FEZF2: variants seen among roughly 807,000 people sequenced by gnomAD.
FEZF2 encodes FEZ family zinc finger 2, also known as fez family zinc finger protein 2.
A neutral mutation model predicts 32.8 loss-of-function variants in FEZF2; 2 were observed. That is an observed-to-expected ratio of 0.06 (90% CI 0.02 to 0.19). The LOEUF is 0.19. Among genes scored for constraint, FEZF2 ranks in the 10% least tolerant of loss-of-function variants. The probability of loss-of-function intolerance (pLI) is 1.00; values close to 1 mark genes in which losing one functional copy is unlikely to be tolerated. For missense variants in FEZF2, 516 were observed against 625.4 expected (o/e 0.83, Z 1.87); for synonymous variants, 322 against 284.8 (o/e 1.13, Z -1.32).
chr3:62,372,673 G>A lies in FEZF2; in HGVS notation c.196C>T (p.Leu66Phe). 6.2e-7 allele frequency: 1 copy of A among 1,608,444 alleles called. No homozygotes were observed. The highest frequency in any genetic ancestry group is 8.5e-7 in the Non-Finnish European group (1 of 1,177,380). The change falls in exon 2 of 5, where the codon CTC (leucine) becomes TTC (phenylalanine). Residue 66 changes from leucine (L) to phenylalanine (F), a missense_variant. Coordinates refer to ENST00000283268, the MANE Select transcript of FEZF2 (RefSeq NM_018008.4). This position sits in a 1 kb window ranked among gnomAD's most constrained non-coding sequence, Gnocchi z 9.6. ...ATCATACAGGGCAGCGGCGAGCAGA[G>A]GTTGAGCAGTTTCTTGCCCTGGCTG... is the stretch of plus-strand genomic sequence containing the variant. ...DGSQGKKLLNLCSPLPCMIPL... is the reference protein window; with the variant it reads ...DGSQGKKLLNFCSPLPCMIPL...
chr3:62,371,901 G>C, intron 2 of FEZF2, 116 bp downstream of exon 2: 1 of 1,452,942 alleles, frequency 6.9e-7, no homozygotes, highest in Non-Finnish European at 9.0e-7. Flanking sequence ...CCCAGTTTGG[G>C]TAGTCAACTA....
Position 62,370,156 on chromosome 3 carries a change from A to T in FEZF2, c.1307T>A (p.Val436Glu). 1.2e-6 allele frequency: 2 copies of T among 1,614,224 alleles called. No homozygotes were observed. The highest frequency in any genetic ancestry group is 1.7e-6 in the Non-Finnish European group (2 of 1,180,032). ...FCRNFDLKKHVRKLHDSVGPA... is the reference protein window; with the variant it reads ...FCRNFDLKKHERKLHDSVGPA... ...GCCCACGCTGTCGTGGAGTTTGCGCACATGTTTCTTTAAGTCAAAGTTTCT... is the reference window on the plus strand; with the variant it reads ...GCCCACGCTGTCGTGGAGTTTGCGCTCATGTTTCTTTAAGTCAAAGTTTCT... Residue 436 changes from valine to glutamate, a missense_variant, in exon 5 of 5, where the codon GTG becomes GAG. Around this residue, in one of 3 missense-constraint regions of FEZF2, gnomAD observed 79 missense variants for 219.4 expected, o/e 0.36. Transcript: ENST00000283268. The surrounding 1 kb of genome is among the most constrained non-coding windows in gnomAD (Gnocchi z 4.2).
Position 62,372,764 on chromosome 3 carries a change from G to A in FEZF2, c.105C>T (p.Ile35=). 6.2e-7 allele frequency: 1 copy of A among 1,601,202 alleles called. No individual in the cohort carries two copies. The highest frequency in any genetic ancestry group is 1.1e-5 in the South Asian group (1 of 89,332). The change falls in exon 2 of 5, where the codon ATC becomes ATT. Residue 35 remains isoleucine, a synonymous_variant. Transcript: ENST00000283268. The surrounding 1 kb of genome is among the most constrained non-coding windows in gnomAD (Gnocchi z 9.6). ...SKTLAFSIER[I]MAKTSEPRAP... The stretch of plus-strand genomic sequence containing the variant: ...CACGGGGCTCCGACGTCTTGGCCAT[G>A]ATGCGCTCGATGGAAAAGGCCAGTG...
In FEZF2 at chr3:62,370,658, CCTT is replaced by C. The variant is rs532502815; in HGVS notation, c.1121-319_1121-317del. Among the ~76,000 whole-genome samples the C allele has an allele frequency of 3.0e-4, 45 of 152,340 alleles. 2 individuals are homozygous for C. In the South Asian group the frequency reaches 7.9e-3, roughly 27 times the overall value. On this transcript the variant is annotated intron_variant, in intron 4 of 4. Transcript: ENST00000283268. The surrounding 1 kb of genome is among the most constrained non-coding windows in gnomAD (Gnocchi z 4.2). Reference sequence around the variant, plus strand: ...TGCGTAGCCCAGAGACGCACCGAGTCCTTCTCCTGGCTGATGCCTCGCTAGAAG... The same window carrying C: ...TGCGTAGCCCAGAGACGCACCGAGTCCTCCTGGCTGATGCCTCGCTAGAAG...
Position 62,370,028 on chromosome 3 carries a change from G to A in FEZF2, c.*55C>T. 1 of 1,568,430 alleles carries A rather than the reference G, an allele frequency of 6.4e-7. No homozygotes were observed. The highest frequency in any genetic ancestry group is 1.8e-5 in the Admixed American group (1 of 54,802). On this transcript the variant is annotated 3_prime_UTR_variant, in exon 5 of 5. Coordinates refer to ENST00000283268, the MANE Select transcript of FEZF2 (RefSeq NM_018008.4). The surrounding 1 kb of genome is among the most constrained non-coding windows in gnomAD (Gnocchi z 4.2). ...TTTAATTTTAGAAATAAGTTTATAT[G>A]TGTGATCTGTTTTCAGGTGGTACAG...
rs1704249763 is a variant in FEZF2, at chr3:62,370,167, T to C, written c.1296A>G (p.Leu432=). Residue 432 remains leucine, a synonymous_variant, in exon 5 of 5, where the codon TTA becomes TTG. Coordinates refer to ENST00000283268, the MANE Select transcript of FEZF2 (RefSeq NM_018008.4). The surrounding 1 kb of genome is among the most constrained non-coding windows in gnomAD (Gnocchi z 4.2). ...CGTGGAGTTTGCGCACATGTTTCTT[T>C]AAGTCAAAGTTTCTGCAAAACCCTT... ...CGKGFCRNFD[L]KKHVRKLHDS... The C allele has an allele frequency of 1.2e-6, 2 of 1,614,096 alleles. No homozygotes were observed. Among genetic ancestry groups the C allele is most frequent in the Non-Finnish European group, 1.7e-6 (2 of 1,180,052 alleles).
rs1013320794 is a variant in FEZF2, at chr3:62,371,529, G to C, written c.987+4C>G. 1.2e-6 allele frequency: 2 copies of C among 1,609,934 alleles called. No individual in the cohort carries two copies. Among genetic ancestry groups the C allele is most frequent in the Non-Finnish European group, 1.7e-6 (2 of 1,177,928 alleles). On this transcript the variant is annotated splice_donor_region_variant and intron_variant, in intron 3 of 4. Transcript: ENST00000283268. ...GGGCTAGGCCCGACCCGGGGGCCACGTACCTGGGTGTGGATAATTTTGTGC... is the reference window on the plus strand; with the variant it reads ...GGGCTAGGCCCGACCCGGGGGCCACCTACCTGGGTGTGGATAATTTTGTGC...
In FEZF2 at chr3:62,372,542, G is replaced by A. The variant is rs1236532156; in HGVS notation, c.327C>T (p.Gly109=). The change falls in exon 2 of 5, where the codon GGC becomes GGT. Residue 109 remains glycine (G), a synonymous_variant. Coordinates refer to ENST00000283268, the MANE Select transcript of FEZF2 (RefSeq NM_018008.4). This position sits in a 1 kb window ranked among gnomAD's most constrained non-coding sequence, Gnocchi z 9.6. ...CCCCCCCGCCGCCGCCGCCGCCACC[G>A]CCGCCGCCGCCTCCGCCGCCGCCCG... ...LRAGGGGGGG[G]GGGGGGGGAP... 2.2e-5 allele frequency: 29 copies of A among 1,312,796 alleles called. No homozygotes were observed. The highest frequency in any genetic ancestry group is 1.7e-4 in the South Asian group (6 of 34,754). The allele number at this position is 1,312,796 out of a possible 1,614,324, so 81.3% of individuals were successfully genotyped here.
intron 3 of FEZF2, 35 bp from the exon 4 acceptor site, chr3:62,371,384 C>G (rs1383109347): frequency 6.2e-7 from 1 of 1,602,904 alleles, no homozygotes; most frequent in East Asian, 2.2e-5. Flanking sequence ...TAAGGAGAGG[C>G]CACCTCGGGA....
rs1305091585 is a variant in FEZF2, at chr3:62,371,686, G to A, written c.853-19C>T. On this transcript the variant is annotated intron_variant, in intron 2 of 4. Transcript: ENST00000283268. ...TAAACACCTATGGAAAGACATGGGG[G>A]GCCTTGTGGTGCGTCTGTCCGAGGG... is the stretch of plus-strand genomic sequence containing the variant. 3 of 1,597,652 alleles carry A rather than the reference G, an allele frequency of 1.9e-6. No homozygotes were observed. Among genetic ancestry groups the A allele is most frequent in the Non-Finnish European group, 2.6e-6 (3 of 1,169,912 alleles).
In FEZF2 at chr3:62,369,858, C is replaced by T. The variant is rs920301074; in HGVS notation, c.*225G>A. On this transcript the variant is annotated 3_prime_UTR_variant, in exon 5 of 5. Coordinates refer to ENST00000283268, the MANE Select transcript of FEZF2 (RefSeq NM_018008.4). This position sits in a 1 kb window ranked among gnomAD's most constrained non-coding sequence, Gnocchi z 4.2. ...AGGCCTGGAATTAAATACGTTTCGG[C>T]GCACTGGATTTAAATAAGTTTCCTG... The T allele has an allele frequency of 5.8e-6, 3 of 514,888 alleles. No individual in the cohort carries two copies. The highest frequency in any genetic ancestry group is 3.8e-5 in the African/African-American group (2 of 52,422). 31.9% of individuals were successfully genotyped at this position (514,888 alleles called of 1,614,324 possible).
In FEZF2 at chr3:62,372,819, C is replaced by T. The variant is rs754681587; in HGVS notation, c.50G>A (p.Arg17His). ...LETMVPPACP[R>H]AGASPATSKT... ...GGAAGTGGCCGGCGACGCTCCGGCG[C>T]GCGGGCAGGCCGGGGGCACCATGGT... is the stretch of plus-strand genomic sequence containing the variant. Residue 17 changes from arginine (R) to histidine (H), a missense_variant, in exon 2 of 5, where the codon CGC (arginine) becomes CAC (histidine). Coordinates refer to ENST00000283268, the MANE Select transcript of FEZF2 (RefSeq NM_018008.4). The surrounding 1 kb of genome is among the most constrained non-coding windows in gnomAD (Gnocchi z 9.6). The T allele has an allele frequency of 2.6e-6, 4 of 1,525,278 alleles. No individual in the cohort carries two copies. The highest frequency in any genetic ancestry group is 1.2e-5 in the South Asian group (1 of 81,150). 94.5% of individuals were successfully genotyped at this position (1,525,278 alleles called of 1,614,324 possible).
Position 62,370,417 on chromosome 3 carries a change from G to A in FEZF2, c.1121-75C>T. ...GGGAGGAAGAGGCGGGCGTCCCAGG[G>A]GCAGCCCAGGTGCCTGCTCAAAAAA... is the stretch of plus-strand genomic sequence containing the variant. On this transcript the variant is annotated intron_variant, in intron 4 of 4. Transcript: ENST00000283268. This position sits in a 1 kb window ranked among gnomAD's most constrained non-coding sequence, Gnocchi z 4.2. The A allele has an allele frequency of 1.3e-6, 2 of 1,535,422 alleles. No individual in the cohort carries two copies. Among genetic ancestry groups the A allele is most frequent in the Non-Finnish European group, 1.8e-6 (2 of 1,124,094 alleles).
intron 4 of FEZF2, 95 bp downstream of exon 4, chr3:62,371,122 T>C: frequency 3.8e-6 from 6 of 1,583,864 alleles, no homozygotes; most frequent in Non-Finnish European, 5.2e-6. Flanking sequence ...AGATTTCGCC[T>C]TCTCTCTCCA....
Position 62,372,180 on chromosome 3 carries a change from G to C in FEZF2, c.689C>G (p.Ala230Gly). The change falls in exon 2 of 5, where the codon GCT (alanine) becomes GGT (glycine). Residue 230 changes from alanine to glycine, a missense_variant. This residue lies in a region of FEZF2 where 408 missense variants were observed against 382.2 expected (regional missense o/e 1.07). Coordinates refer to ENST00000283268, the MANE Select transcript of FEZF2 (RefSeq NM_018008.4). The surrounding 1 kb of genome is among the most constrained non-coding windows in gnomAD (Gnocchi z 9.6). Reference protein sequence around the residue: ...GLAADKFPHPAPYPHKERLPA... With the variant: ...GLAADKFPHPGPYPHKERLPA... Reference sequence around the variant, plus strand: ...CAAGCGCTCCTTATGGGGATAGGGAGCCGGGTGGGGGAACTTGTCCGCAGC... The same window carrying C: ...CAAGCGCTCCTTATGGGGATAGGGACCCGGGTGGGGGAACTTGTCCGCAGC... 1.3e-6 allele frequency: 2 copies of C among 1,581,448 alleles called. No individual in the cohort carries two copies. Among genetic ancestry groups the C allele is most frequent in the Non-Finnish European group, 8.6e-7 (1 of 1,163,634 alleles).
Position 62,370,322 on chromosome 3 carries a change from G to A in FEZF2, c.1141C>T (p.Leu381=), listed in dbSNP as rs771330102. Residue 381 remains leucine, a synonymous_variant, in exon 5 of 5, where the codon CTG becomes TTG. Transcript: ENST00000283268. The surrounding 1 kb of genome is among the most constrained non-coding windows in gnomAD (Gnocchi z 4.2). Reference sequence around the variant, plus strand: ...TACTGCTTCTCGCCGCTGTGGGTCAGCTTGTGGTTCTTGTAGTTCCCTACA... The same window carrying A: ...TACTGCTTCTCGCCGCTGTGGGTCAACTTGTGGTTCTTGTAGTTCCCTACA... ...HQKGNYKNHK[L]THSGEKQYKC... 33 of 1,614,084 alleles carry A rather than the reference G, an allele frequency of 2.0e-5. No homozygotes were observed. The highest frequency in any genetic ancestry group is 2.7e-5 in the Non-Finnish European group (32 of 1,180,052).
chr3:62,372,160 G>C lies in FEZF2; in HGVS notation c.709C>G (p.Arg237Gly), dbSNP rs778641732. 6.3e-7 allele frequency: 1 copy of C among 1,589,734 alleles called. No individual in the cohort carries two copies. Among genetic ancestry groups the C allele is most frequent in the Non-Finnish European group, 8.6e-7 (1 of 1,168,156 alleles). The change falls in exon 2 of 5, where the codon CGC (arginine) becomes GGC (glycine). Residue 237 changes from arginine to glycine, a missense_variant. Physicochemically the swap from Arg to Gly is moderately radical, Grantham distance 125. This residue lies in a region of FEZF2 where 408 missense variants were observed against 382.2 expected (regional missense o/e 1.07). Transcript: ENST00000283268. This position sits in a 1 kb window ranked among gnomAD's most constrained non-coding sequence, Gnocchi z 9.6. The stretch of plus-strand genomic sequence containing the variant: ...ACCTGCTCCAGCGGCGCCGGCAAGC[G>C]CTCCTTATGGGGATAGGGAGCCGGG... Reference protein sequence around the residue: ...PHPAPYPHKERLPAPLEQVLK... With the variant: ...PHPAPYPHKEGLPAPLEQVLK...
At chr3:62,371,813 T>C in intron 2 of FEZF2, 146 bp from the exon 3 acceptor site, 2 of 1,399,512 alleles carry the variant, frequency 1.4e-6, no homozygotes, top group Non-Finnish European at 1.9e-6. Flanking sequence ...CCCAAACTCC[T>C]GCTTACACCA....
rs1463794759 is a variant in FEZF2, at chr3:62,372,275, C to T, written c.594G>A (p.Ala198=). ...GHLFPSGLLN[A]QAPAALAAHP... ...GAGCAGCCAGGGCGGCGGGGGCCTG[C>T]GCATTGAGGAGGCCAGACGGGAAGA... is the stretch of plus-strand genomic sequence containing the variant. Residue 198 remains alanine (A), a synonymous_variant, in exon 2 of 5, where the codon GCG becomes GCA. Coordinates refer to ENST00000283268, the MANE Select transcript of FEZF2 (RefSeq NM_018008.4). The surrounding 1 kb of genome is among the most constrained non-coding windows in gnomAD (Gnocchi z 9.6). 8 of 1,595,088 alleles carry T rather than the reference C, an allele frequency of 5.0e-6. No homozygotes were observed. Among genetic ancestry groups the T allele is most frequent in the South Asian group, 1.1e-5 (1 of 88,738 alleles).
Sources: gnomAD v4.1 joint callset for allele counts (sites outside exome capture counted in the v4.1 genomes callset) on GRCh38, gnomAD v4.1.1 for gene constraint, gnomAD v4.1.1 regional missense constraint, Gnocchi (gnomAD v3.1) non-coding constraint, MANE v1.5 for transcripts, NCBI Gene and HGNC (gene_info 2026-07-23, HGNC 2026-07-21) for gene names.